The following CPLX2 variants were observed in gnomAD, a reference collection of about 807,000 sequenced individuals.
The protein encoded by CPLX2 is complexin 2, also known as complexin-2.
A neutral mutation model predicts 16.3 loss-of-function variants in CPLX2; 5 were observed. The observed-to-expected ratio is 0.31, with a 90% CI of 0.16 to 0.64. The LOEUF (loss-of-function observed/expected upper bound fraction) is 0.64, where lower values mean the gene tolerates loss of function less well. Among genes scored for constraint, CPLX2 ranks in the 30% least tolerant of loss-of-function variants. The pLI is 0.79. For synonymous variants in CPLX2, 89 were observed against 73.2 expected, an observed-to-expected ratio of 1.22 and a Z score of -1.10; for missense variants, 144 against 181.4, an observed-to-expected ratio of 0.79 and a Z score of 1.18.
At chr5:175,796,993 C>T (rs1757989739) in intron 1 of CPLX2, among the ~76,000 whole-genome samples, 6 of 152,368 alleles carry the variant, frequency 3.9e-5, no homozygotes, top group Admixed American at 3.3e-4. Flanking sequence ...CCAGCACCAT[C>T]TCGGGGACAG....
intron 2 of CPLX2, among the ~76,000 whole-genome samples, chr5:175,836,344 C>T (rs534215274): frequency 2.7e-3 from 400 of 149,768 alleles, no homozygotes; most frequent in African/African-American, 9.3e-3. Context: ...AGCGAGACTC[C>T]GTCTCAAAAT....
At chr5:175,829,946 C>T (rs1758703031) in intron 2 of CPLX2, among the ~76,000 whole-genome samples, 1 of 152,236 alleles carries the variant, frequency 6.6e-6, no homozygotes, top group Non-Finnish European at 1.5e-5. Flanking sequence ...TCCTCCCTCC[C>T]TCCCAGGGCC....
At chr5:175,873,234 G>C (rs1426806792) in intron 1 of CPLX2, among the ~76,000 whole-genome samples, 1 of 146,946 alleles carries the variant, frequency 6.8e-6, no homozygotes, top group Non-Finnish European at 1.5e-5. Flanking sequence ...CTGGACCTCA[G>C]CACTCCCGCA....
chr5:175,818,254 G>A (rs1758443961), intron 2 of CPLX2, among the ~76,000 whole-genome samples: 1 of 152,100 alleles, frequency 6.6e-6, no homozygotes. Context: ...CAGCTAGAGG[G>A]GCACCATGGG....
intron 1 of CPLX2, among the ~76,000 whole-genome samples, chr5:175,807,206 C>T (rs755232305): frequency 5.3e-5 from 8 of 152,214 alleles, no homozygotes; most frequent in Admixed American, 1.3e-4. Context: ...TAGTAGTTCA[C>T]GCTTTTGATT....
At chr5:175,879,243 C>G (rs969167963) in intron 3 of CPLX2, among the ~76,000 whole-genome samples, 160 bp downstream of exon 3, 1 of 152,216 alleles carries the variant, frequency 6.6e-6, no homozygotes, top group Non-Finnish European at 1.5e-5. Flanking sequence ...ACAAGGTCAC[C>G]TCCCTCAAGG....
At chr5:175,869,560 T>TCATCCATTCAAGCACTTCCTTAG (rs1487474505), upstream of CPLX2, among the ~76,000 whole-genome samples, 7 of 152,182 alleles carry the variant, frequency 4.6e-5, no homozygotes, top group Non-Finnish European at 1.0e-4. Context: ...CAACAGTTAT[T>TCATCCATTCAAGCACTTCCTTAG]CATCCATTCA....
intron 1 of CPLX2, among the ~76,000 whole-genome samples, chr5:175,873,980 T>C (rs1297969028): frequency 6.6e-6 from 1 of 152,166 alleles, no homozygotes; most frequent in African/African-American, 2.4e-5. Context: ...TGGGAAATAA[T>C]ACGTGCTAAG....
chr5:175,855,682 A>G (rs1441058420), intron 2 of CPLX2, among the ~76,000 whole-genome samples: 1 of 152,144 alleles, frequency 6.6e-6, no homozygotes, highest in African/African-American at 2.4e-5. Context: ...CAGTAAGTCC[A>G]ACAGAAAGAG....
chr5:175,852,683 G>T (rs953355440), intron 2 of CPLX2, among the ~76,000 whole-genome samples: 3 of 152,244 alleles, frequency 2.0e-5, no homozygotes, highest in African/African-American at 7.2e-5. Flanking sequence ...TCAACCTGGG[G>T]TCTTGTGCAT....
chr5:175,806,508 G>A (rs1039657030), intron 1 of CPLX2, among the ~76,000 whole-genome samples: 8 of 152,026 alleles, frequency 5.3e-5, no homozygotes, highest in Non-Finnish European at 1.2e-4. Context: ...TTTTGTTTTT[G>A]AGACAGAGTT....
Position 175,879,096 on chromosome 5 carries a change from C to G in CPLX2, c.207+13C>G. On this transcript the variant is annotated intron_variant, in intron 3 of 3. Transcript: ENST00000393745. The stretch of plus-strand genomic sequence containing the variant: ...GATCCGAGATAAGGTCAGCTCCGCC[C>G]GCCCGCCCGTCCTGGGGAGGGCCAC... The G allele has an allele frequency of 6.4e-7, 1 of 1,554,498 alleles. No homozygotes were observed. Among genetic ancestry groups the G allele is most frequent in the Non-Finnish European group, 8.7e-7 (1 of 1,149,124 alleles).
At chr5:175,820,419 A>G (rs916084688) in intron 2 of CPLX2, among the ~76,000 whole-genome samples, 1 of 152,078 alleles carries the variant, frequency 6.6e-6, no homozygotes, top group African/African-American at 2.4e-5. Flanking sequence ...TGCAGCCACA[A>G]CAGGCCACTG....
intron 2 of CPLX2, among the ~76,000 whole-genome samples, chr5:175,834,902 C>G (rs1458826743): frequency 6.6e-6 from 1 of 152,112 alleles, no homozygotes; most frequent in Admixed American, 6.5e-5. Flanking sequence ...AAAAAACAAA[C>G]AAACGAAAGT....
At chr5:175,818,671 T>G (rs1373459786) in intron 2 of CPLX2, among the ~76,000 whole-genome samples, 2 of 133,856 alleles carry the variant, frequency 1.5e-5, no homozygotes, top group Non-Finnish European at 3.2e-5. Context: ...TTTTTTTTTT[T>G]TTTTTTTTGA....
At chr5:175,852,475 G>C (rs1759176597) in intron 2 of CPLX2, among the ~76,000 whole-genome samples, 1 of 152,226 alleles carries the variant, frequency 6.6e-6, no homozygotes, top group African/African-American at 2.4e-5. Context: ...GGTTTGACCA[G>C]ATCAGCACCA....
In CPLX2 at chr5:175,815,438, G is replaced by A. The variant is rs193118617; in HGVS notation, c.-89+6370G>A. 1.2e-4 allele frequency among the ~76,000 whole-genome samples: 18 copies of A among 152,262 alleles called. No homozygotes were observed. In the East Asian group the frequency reaches 3.1e-3, roughly 26 times the overall value. On this transcript the variant is annotated intron_variant, in intron 2 of 4. Transcript: ENST00000359546. ...GACATGCTTAGCTAGCAGGACAGCCGCTGCCCACTCCAGGGAGTGGAGTTA... is the reference window on the plus strand; with the variant it reads ...GACATGCTTAGCTAGCAGGACAGCCACTGCCCACTCCAGGGAGTGGAGTTA...
intron 2 of CPLX2, among the ~76,000 whole-genome samples, chr5:175,817,887 C>G (rs185437691): frequency 1.9e-4 from 29 of 152,290 alleles, no homozygotes; most frequent in African/African-American, 6.5e-4. Context: ...AAAGAAATCT[C>G]AGGAAGACTG....
rs1451040688 is a variant in CPLX2, at chr5:175,880,209, C to T, written c.*164C>T. ...TCCCCCTCAGCTCTCCCTCACACCT[C>T]CCTTCATCCCAGGGTATCCACCTGC... On this transcript the variant is annotated 3_prime_UTR_variant, in exon 4 of 4. Coordinates refer to ENST00000393745, the MANE Select transcript of CPLX2 (RefSeq NM_001008220.2). 6 of 753,084 alleles carry T rather than the reference C, an allele frequency of 8.0e-6. No individual in the cohort carries two copies. In the Admixed American group the frequency reaches 1.2e-4, roughly 15 times the overall value. 46.7% of individuals were successfully genotyped at this position (753,084 alleles called of 1,614,324 possible).
Sources: gnomAD v4.1 joint callset for allele counts (sites outside exome capture counted in the v4.1 genomes callset) on GRCh38, gnomAD v4.1.1 for gene constraint, MANE v1.5 for transcripts, NCBI Gene and HGNC (gene_info 2026-07-23, HGNC 2026-07-21) for gene names.